INVS: variants seen among roughly 807,000 people sequenced by gnomAD.
INVS encodes the protein inversin.
A neutral mutation model predicts 108.8 loss-of-function variants in INVS; 86 were observed. That is an observed-to-expected ratio of 0.79 (90% confidence interval 0.66 to 0.95). The LOEUF is 0.95. INVS is among the 40% of genes least tolerant of loss of function. The probability of loss-of-function intolerance (pLI) is 0.00; values close to 1 mark genes in which losing one functional copy is unlikely to be tolerated. For missense variants in INVS, 1,169 were observed against 1,297.4 expected (o/e 0.90, Z 1.52); for synonymous variants, 455 against 473.5 (o/e 0.96, Z 0.51).
intron 2 of INVS, among the ~76,000 whole-genome samples, chr9:100,112,682 G>A (rs1158073346): frequency 6.7e-6 from 1 of 149,628 alleles, no homozygotes; most frequent in Non-Finnish European, 1.5e-5. Context: ...AAAAAAAATC[G>A]CAAAAAAAAA....
At chr9:100,239,961 C>T (rs1831812742) in intron 5 of INVS, 99 bp from the exon 6 acceptor site, 2 of 1,098,740 alleles carry the variant, frequency 1.8e-6, no homozygotes, top group African/African-American at 1.6e-5. Context: ...AGAACAAGAC[C>T]CTGTCTCTAA....
At chr9:100,189,859 G>C (rs1423081830) in intron 3 of INVS, among the ~76,000 whole-genome samples, 1 of 151,992 alleles carries the variant, frequency 6.6e-6, no homozygotes, top group Non-Finnish European at 1.5e-5. Flanking sequence ...CAAAGTGCTA[G>C]GATTACAGGC....
chr9:100,156,368 C>T (rs1273238379), intron 3 of INVS, among the ~76,000 whole-genome samples: 1 of 146,746 alleles, frequency 6.8e-6, no homozygotes, highest in East Asian at 2.0e-4. Context: ...TCAAGCAATT[C>T]TCCAGCCTAA....
chr9:100,199,565 T>C (rs1031877764), intron 3 of INVS, among the ~76,000 whole-genome samples: 6 of 152,336 alleles, frequency 3.9e-5, no homozygotes, highest in African/African-American at 1.4e-4. Context: ...CTTTAGGGTT[T>C]ACAGTATGCA....
intron 11 of INVS, among the ~76,000 whole-genome samples, chr9:100,269,129 A>G (rs149138094): frequency 2.1e-4 from 32 of 152,356 alleles, no homozygotes; most frequent in African/African-American, 7.7e-4. Context: ...GTGGAAGGTT[A>G]CTGAACTGGG....
chr9:100,116,751 A>G lies in INVS; in HGVS notation c.107-9632A>G. 9.0e-6 allele frequency: 11 copies of G among 1,219,086 alleles called. 1 individual carries two copies. The highest frequency in any genetic ancestry group is 9.7e-6 in the Non-Finnish European group (9 of 928,462). The allele number at this position is 1,219,086 out of a possible 1,614,324, so 75.5% of individuals were successfully genotyped here. Reference sequence around the variant, plus strand: ...TATTCACTTTATTTTTCTTGTATAAAACCCTATGTTGTAGCCACAGCTGGA... The same window carrying G: ...TATTCACTTTATTTTTCTTGTATAAGACCCTATGTTGTAGCCACAGCTGGA... On this transcript the variant is annotated intron_variant, in intron 2 of 16. Transcript: ENST00000262457.
chr9:100,102,291 G>T (rs1455942072), intron 1 of INVS, among the ~76,000 whole-genome samples: 1 of 151,958 alleles, frequency 6.6e-6, no homozygotes, highest in Non-Finnish European at 1.5e-5. Context: ...TAGGGACGGG[G>T]TTTCACCATA....
In INVS at chr9:100,292,749, C is replaced by G; in HGVS notation, c.2492C>G (p.Pro831Arg). 6.2e-7 allele frequency: 1 copy of G among 1,614,154 alleles called. No individual in the cohort carries two copies. The highest frequency in any genetic ancestry group is 8.5e-7 in the Non-Finnish European group (1 of 1,180,034). ...CAGAATCCTCCCCACCATCGTACAC[C>G]AAGAAACAAAGTGACACAAGCCAAG... Reference protein sequence around the residue: ...AGQNPPHHRTPRNKVTQAKLT... With the variant: ...AGQNPPHHRTRRNKVTQAKLT... The change falls in exon 14 of 17, where the codon CCA becomes CGA. Residue 831 changes from proline (P) to arginine (R), a missense_variant. Pro to Arg is a moderately radical substitution (Grantham distance 103). Around this residue, in one of 3 missense-constraint regions of INVS, gnomAD observed 533 missense variants for 536.0 expected, o/e 0.99. Coordinates refer to ENST00000262457, the MANE Select transcript of INVS (RefSeq NM_014425.5).
At chr9:100,129,033 A>T (rs1259780940) in intron 3 of INVS, among the ~76,000 whole-genome samples, 1 of 151,608 alleles carries the variant, frequency 6.6e-6, no homozygotes, top group Non-Finnish European at 1.5e-5. Context: ...AAACAAAAAA[A>T]AATTAGCTGG....
chr9:100,199,353 CATT>C (rs1340784182), intron 3 of INVS, among the ~76,000 whole-genome samples: 4 of 152,220 alleles, frequency 2.6e-5, no homozygotes, highest in African/African-American at 9.6e-5. Context: ...TTAATTGAAA[CATT>C]AGTCCATTTA....
At chr9:100,283,981 A>G (rs1403781165) in intron 12 of INVS, among the ~76,000 whole-genome samples, 9 of 152,310 alleles carry the variant, frequency 5.9e-5, no homozygotes, top group African/African-American at 2.2e-4. Context: ...GGGTGGAGTT[A>G]CAGGTAGCTC....
At position 100,243,400 on chromosome 9, in the gene INVS, T is replaced by C. The variant is rs117201676; in HGVS notation, c.906+721T>C. On this transcript the variant is annotated intron_variant, in intron 7 of 16. Transcript: ENST00000262457. ...CAAGTGCCTGCTGTATACCTTAGCATAGAGCAGGTACTCAAGAAATAGAAT... is the reference window on the plus strand; with the variant it reads ...CAAGTGCCTGCTGTATACCTTAGCACAGAGCAGGTACTCAAGAAATAGAAT... 9.5e-3 allele frequency among the ~76,000 whole-genome samples: 1,447 copies of C among 152,334 alleles called. 13 individuals carry two copies. Among genetic ancestry groups the C allele is most frequent in the Non-Finnish European group, 0.016 (1,113 of 68,034 alleles).
chr9:100,270,598 A>G (rs998065143), intron 11 of INVS, among the ~76,000 whole-genome samples: 1 of 152,134 alleles, frequency 6.6e-6, no homozygotes, highest in East Asian at 1.9e-4. Context: ...TACAAAAAAA[A>G]TTAGCCGGGT....
intron 3 of INVS, among the ~76,000 whole-genome samples, chr9:100,143,944 G>T (rs1403948883): frequency 2.0e-5 from 3 of 152,160 alleles, no homozygotes; most frequent in Non-Finnish European, 2.9e-5. Context: ...AGGCGATCGG[G>T]CAGTGTCAGT....
chr9:100,185,203 CAAT>C (rs1830016468), intron 3 of INVS, among the ~76,000 whole-genome samples: 1 of 145,032 alleles, frequency 6.9e-6, no homozygotes, highest in Non-Finnish European at 1.5e-5. Flanking sequence ...ATATTTGTTC[CAAT>C]AATATTTTTT....
intron 16 of INVS, among the ~76,000 whole-genome samples, chr9:100,299,555 AAC>A (rs55800849): frequency 0.017 from 2,088 of 125,412 alleles, 37 homozygotes; most frequent in African/African-American, 0.039. Context: ...ATTGACACAC[AAC>A]ACACACACAC....
intron 10 of INVS, among the ~76,000 whole-genome samples, chr9:100,263,089 C>T (rs1239501322): frequency 6.6e-6 from 1 of 152,088 alleles, no homozygotes; most frequent in Non-Finnish European, 1.5e-5. Context: ...GGTCTTGCTC[C>T]TGTCTTTTTT....
chr9:100,204,945 A>G (rs2118257250), intron 3 of INVS, among the ~76,000 whole-genome samples: 1 of 152,254 alleles, frequency 6.6e-6, no homozygotes, highest in Non-Finnish European at 1.5e-5. Flanking sequence ...TCCGGTTGAC[A>G]GTCAGCTTAA....
chr9:100,252,866 TA>T, intron 9 of INVS, 40 bp from the exon 10 acceptor site: 1 of 1,382,898 alleles, frequency 7.2e-7, no homozygotes, highest in South Asian at 1.2e-5. Context: ...TAATAAAAGC[TA>T]TTTATATTAG....
Sources: allele counts gnomAD v4.1 joint callset (sites outside exome capture counted in the v4.1 genomes callset), GRCh38; gene constraint gnomAD v4.1.1; regional missense constraint gnomAD v4.1.1; transcripts MANE v1.5; gene names NCBI Gene and HGNC (gene_info 2026-07-23, HGNC 2026-07-21).